The following STX11 variants were observed in gnomAD, a reference collection of about 807,000 sequenced individuals.
STX11 encodes syntaxin 11, also known as syntaxin-11.
A neutral mutation model predicts 19.9 loss-of-function variants in STX11; 21 were observed. That is an observed-to-expected ratio of 1.06 (90% CI 0.75 to 1.52). The LOEUF is 1.52. Among genes scored for constraint, STX11 ranks in the 40% most tolerant of loss-of-function variants. The pLI is 0.00. For synonymous variants in STX11, 193 were observed against 174.4 expected, an observed-to-expected ratio of 1.11 and a Z score of -0.84; for missense variants, 438 against 405.9, an observed-to-expected ratio of 1.08 and a Z score of -0.68.
At chr6:144,149,761 C>A (rs1323017945), upstream of STX11, among the ~76,000 whole-genome samples, 1 of 152,216 alleles carries the variant, frequency 6.6e-6, no homozygotes, top group African/African-American at 2.4e-5. This position sits in a 1 kb window ranked among gnomAD's most constrained non-coding sequence, Gnocchi z 5.1. Context: ...CGCGCGTGAG[C>A]CACCGCGCCC....
chr6:144,171,779 A>G (rs765675397), intron 1 of STX11, among the ~76,000 whole-genome samples: 16 of 152,174 alleles, frequency 1.1e-4, no homozygotes, highest in Non-Finnish European at 2.4e-4. Context: ...ACAAACAAAA[A>G]AGAAGCGCTG....
At chr6:144,143,660 G>A in the STX11 span, among the ~76,000 whole-genome samples, 1 of 152,144 alleles carries the variant, frequency 6.6e-6, no homozygotes, top group Non-Finnish European at 1.5e-5. Context: ...GGAAAGCTAT[G>A]GGGCACAGGC....
intron 1 of STX11, among the ~76,000 whole-genome samples, chr6:144,163,754 G>A (rs770006949): frequency 9.2e-5 from 14 of 152,226 alleles, no homozygotes; most frequent in Non-Finnish European, 1.9e-4. Flanking sequence ...CAAAGTGCTG[G>A]TATTACAGGT....
chr6:144,158,114 C>T (rs1240891884), intron 1 of STX11, among the ~76,000 whole-genome samples: 1 of 152,154 alleles, frequency 6.6e-6, no homozygotes, highest in African/African-American at 2.4e-5. Context: ...GATTTTGATA[C>T]ATGCTATAGT....
At chr6:144,171,559 C>G (rs1413112562) in intron 1 of STX11, among the ~76,000 whole-genome samples, 1 of 152,184 alleles carries the variant, frequency 6.6e-6, no homozygotes, top group Admixed American at 6.5e-5. Context: ...AACCTCTTAT[C>G]AGACTGAAAC....
Position 144,155,414 on chromosome 6 carries a change from A to G in STX11, c.-6+4711A>G, listed in dbSNP as rs943347773. ...AATAGTTTCTCCACACATGCATTGA[A>G]TGTTTTGTTCAGCATTTCTTCAGAT... On this transcript the variant is annotated intron_variant, in intron 1 of 1. Coordinates refer to ENST00000367568, the MANE Select transcript of STX11 (RefSeq NM_003764.4). This position sits in a 1 kb window ranked among gnomAD's most constrained non-coding sequence, Gnocchi z 4.5. Among the ~76,000 whole-genome samples, 1 of 152,132 alleles carries G rather than the reference A, an allele frequency of 6.6e-6. No individual in the cohort carries two copies. The highest frequency in any genetic ancestry group is 2.4e-5 in the African/African-American group (1 of 41,414).
In STX11 at chr6:144,169,224, A is replaced by G. The variant is rs1801562581; in HGVS notation, c.-5-17399A>G. On this transcript the variant is annotated intron_variant, in intron 1 of 1. Coordinates refer to ENST00000367568, the MANE Select transcript of STX11 (RefSeq NM_003764.4). This position sits in a 1 kb window ranked among gnomAD's most constrained non-coding sequence, Gnocchi z 5.2. ...TGTCCTTGGCATCCTTAATTCCTGT[A>G]GAGGCTGTCTCAGCTCTAGTCAGTG... is the stretch of plus-strand genomic sequence containing the variant. Among the ~76,000 whole-genome samples, 1 of 152,230 alleles carries G rather than the reference A, an allele frequency of 6.6e-6. No homozygotes were observed. The highest frequency in any genetic ancestry group is 1.5e-5 in the Non-Finnish European group (1 of 68,036).
chr6:144,148,176 T>C (rs1213705812), upstream of STX11, among the ~76,000 whole-genome samples: 2 of 152,198 alleles, frequency 1.3e-5, no homozygotes, highest in Non-Finnish European at 2.9e-5. Flanking sequence ...GTAAAGACTA[T>C]CATGACTACC....
upstream of STX11, among the ~76,000 whole-genome samples, chr6:144,145,801 G>C (rs545255612): frequency 3.3e-5 from 5 of 152,310 alleles, 1 homozygote; most frequent in South Asian, 1.0e-3. Flanking sequence ...AAGGGTGAGA[G>C]GGAGGAGAGA....
Position 144,167,604 on chromosome 6 carries a change from CT to C in STX11, c.-6+16908del, listed in dbSNP as rs1186233585. Among the ~76,000 whole-genome samples the C allele has an allele frequency of 6.6e-6, 1 of 152,146 alleles. No individual in the cohort carries two copies. Among genetic ancestry groups the C allele is most frequent in the African/African-American group, 2.4e-5 (1 of 41,432 alleles). On this transcript the variant is annotated intron_variant, in intron 1 of 1. Coordinates refer to ENST00000367568, the MANE Select transcript of STX11 (RefSeq NM_003764.4). This position sits in a 1 kb window ranked among gnomAD's most constrained non-coding sequence, Gnocchi z 5.0. ...TGCTGCTGATAAGCAATCACTTCTC[CT>C]TTTTTTCATTTCTTTTTTATTTTCT...
rs1801950528 is a variant in STX11, at chr6:144,183,289, T to C, written c.-5-3334T>C. On this transcript the variant is annotated intron_variant, in intron 1 of 1. Coordinates refer to ENST00000367568, the MANE Select transcript of STX11 (RefSeq NM_003764.4). This position sits in a 1 kb window ranked among gnomAD's most constrained non-coding sequence, Gnocchi z 4.6. Reference sequence around the variant, plus strand: ...TATGCCTAACAGAGTATATATGCTTTTCATGCCATTAGATAGCCTTCTAAA... The same window carrying C: ...TATGCCTAACAGAGTATATATGCTTCTCATGCCATTAGATAGCCTTCTAAA... 6.6e-6 allele frequency among the ~76,000 whole-genome samples: 1 copy of C among 152,262 alleles called. No homozygotes were observed. Among genetic ancestry groups the C allele is most frequent in the African/African-American group, 2.4e-5 (1 of 41,472 alleles).
intron 1 of STX11, among the ~76,000 whole-genome samples, chr6:144,164,040 A>G (rs1352531002): frequency 6.6e-6 from 1 of 152,210 alleles, no homozygotes; most frequent in African/African-American, 2.4e-5. Flanking sequence ...GGGACCACCT[A>G]TGTTTTGCTC....
chr6:144,148,860 G>A (rs1246650853), upstream of STX11, among the ~76,000 whole-genome samples: 1 of 152,192 alleles, frequency 6.6e-6, no homozygotes. Context: ...CTCTCAAAGT[G>A]TACGGATTAC....
rs11356106 is a variant in STX11, at chr6:144,188,725, CTTTTTTT to C, written c.*1247_*1253del. Among the ~76,000 whole-genome samples the C allele has an allele frequency of 1.7e-5, 2 of 117,922 alleles. No homozygotes were observed. The highest frequency in any genetic ancestry group is 3.4e-5 in the Non-Finnish European group (2 of 59,396). 77.4% of individuals were successfully genotyped at this position (117,922 alleles called of 152,430 possible). ...ATTATTGTTAAAATTTTTCTTTTTC[CTTTTTTT>C]TTTTTTTTTTTTGAGATGGAGTCTC... On this transcript the variant is annotated 3_prime_UTR_variant, in exon 2 of 2. Transcript: ENST00000367568.
Position 144,190,660 on chromosome 6 carries a change from A to G in STX11, c.*3169A>G, listed in dbSNP as rs1278599492. Among the ~76,000 whole-genome samples the G allele has an allele frequency of 6.6e-6, 1 of 152,120 alleles. No individual in the cohort carries two copies. Among genetic ancestry groups the G allele is most frequent in the Non-Finnish European group, 1.5e-5 (1 of 68,020 alleles). On this transcript the variant is annotated 3_prime_UTR_variant, in exon 2 of 2. Coordinates refer to ENST00000367568, the MANE Select transcript of STX11 (RefSeq NM_003764.4). Reference sequence around the variant, plus strand: ...CTGTGTATATCCAAACATGTCCTGAAGAAGAAATGAGATGTTCCACCAAAA... The same window carrying G: ...CTGTGTATATCCAAACATGTCCTGAGGAAGAAATGAGATGTTCCACCAAAA...
At position 144,169,189 on chromosome 6, in the gene STX11, A is replaced by G. The variant is rs1801561950; in HGVS notation, c.-5-17434A>G. On this transcript the variant is annotated intron_variant, in intron 1 of 1. Transcript: ENST00000367568. This position sits in a 1 kb window ranked among gnomAD's most constrained non-coding sequence, Gnocchi z 5.2. ...GCCTGCTGCATCAGCACATCCCTGC[A>G]CAGTTGTTCTGTCCTTGGCATCCTT... is the stretch of plus-strand genomic sequence containing the variant. Among the ~76,000 whole-genome samples, 1 of 152,250 alleles carries G rather than the reference A, an allele frequency of 6.6e-6. No homozygotes were observed. The highest frequency in any genetic ancestry group is 6.5e-5 in the Admixed American group (1 of 15,278).
At position 144,184,568 on chromosome 6, in the gene STX11, A is replaced by G. The variant is rs944955550; in HGVS notation, c.-5-2055A>G. On this transcript the variant is annotated intron_variant, in intron 1 of 1. Transcript: ENST00000367568. The surrounding 1 kb of genome is among the most constrained non-coding windows in gnomAD (Gnocchi z 6.5). Reference sequence around the variant, plus strand: ...AAGTCTTTTGTGACTATATTTTTATACTTTTGCTAAAGATTATTTAGTGCA... The same window carrying G: ...AAGTCTTTTGTGACTATATTTTTATGCTTTTGCTAAAGATTATTTAGTGCA... 2.0e-5 allele frequency among the ~76,000 whole-genome samples: 3 copies of G among 152,186 alleles called. No homozygotes were observed. Among genetic ancestry groups the G allele is most frequent in the Non-Finnish European group, 4.4e-5 (3 of 68,018 alleles).
Position 144,187,249 on chromosome 6 carries a change from G to C in STX11, c.622G>C (p.Glu208Gln), listed in dbSNP as rs1334311048. 7 of 1,613,694 alleles carry C rather than the reference G, an allele frequency of 4.3e-6. No individual in the cohort carries two copies. The highest frequency in any genetic ancestry group is 5.1e-6 in the Non-Finnish European group (6 of 1,179,968). ...CGCGCGGGCCGCCCTCAACGAGATCGAGAGCCGCCACCGCGAACTGCTGCG... is the reference window on the plus strand; with the variant it reads ...CGCGCGGGCCGCCCTCAACGAGATCCAGAGCCGCCACCGCGAACTGCTGCG... ...KGARAALNEI[E>Q]SRHRELLRLE... The change falls in exon 2 of 2, where the codon GAG (glutamate) becomes CAG (glutamine). Residue 208 changes from glutamate (E) to glutamine (Q), a missense_variant. By Grantham distance (29) the Glu-to-Gln change is conservative. Coordinates refer to ENST00000367568, the MANE Select transcript of STX11 (RefSeq NM_003764.4). The surrounding 1 kb of genome is among the most constrained non-coding windows in gnomAD (Gnocchi z 5.6).
In STX11 at chr6:144,167,097, C is replaced by CT. The variant is rs942729590; in HGVS notation, c.-6+16396dup. 3.3e-5 allele frequency among the ~76,000 whole-genome samples: 5 copies of CT among 152,286 alleles called. 1 individual carries two copies. Among genetic ancestry groups the CT allele is most frequent in the Admixed American group, 3.3e-4 (5 of 15,288 alleles). On this transcript the variant is annotated intron_variant, in intron 1 of 1. Transcript: ENST00000367568. The surrounding 1 kb of genome is among the most constrained non-coding windows in gnomAD (Gnocchi z 5.0). ...GGATTGGTTCTTCTGAACACTGTCT[C>CT]TTAAGTGTTGGCAACCTTCTGGTAT...
Sources: gnomAD v4.1 joint callset for allele counts (sites outside exome capture counted in the v4.1 genomes callset) on GRCh38, gnomAD v4.1.1 for gene constraint, Gnocchi (gnomAD v3.1) non-coding constraint, MANE v1.5 for transcripts, NCBI Gene and HGNC (gene_info 2026-07-23, HGNC 2026-07-21) for gene names.